USP10: variants seen among roughly 807,000 people sequenced by gnomAD.
USP10 encodes the protein ubiquitin carboxyl-terminal hydrolase 10.
In USP10, 22 loss-of-function variants were observed where a neutral mutation model predicts 84.5. The observed-to-expected ratio is 0.26, with a 90% CI of 0.19 to 0.37. The LOEUF (loss-of-function observed/expected upper bound fraction) is 0.37. Among genes scored for constraint, USP10 ranks in the 10% least tolerant of loss-of-function variants. The pLI, the probability that USP10 is intolerant of heterozygous loss-of-function variation, is 1.00. For missense variants in USP10, 1,019 were observed against 998.9 expected, an observed-to-expected ratio of 1.02 and a Z score of -0.27; for synonymous variants, 454 against 387.6, an observed-to-expected ratio of 1.17 and a Z score of -2.01.
At chr16:84,766,296 C>T (rs1333803618) in intron 10 of USP10, among the ~76,000 whole-genome samples, 1 of 152,274 alleles carries the variant, frequency 6.6e-6, no homozygotes. Context: ...ACTGTGAGCT[C>T]TATTCCACTG....
At chr16:84,705,802 C>T (rs1905418649) in intron 1 of USP10, among the ~76,000 whole-genome samples, 1 of 148,378 alleles carries the variant, frequency 6.7e-6, no homozygotes, top group African/African-American at 2.5e-5. Context: ...TCACTGCAGC[C>T]TCTACCTCCC....
intron 2 of USP10, among the ~76,000 whole-genome samples, chr16:84,734,280 C>G (rs140774368): frequency 3.2e-4 from 48 of 152,120 alleles, no homozygotes; most frequent in African/African-American, 1.2e-3. Flanking sequence ...AAAAATCTTG[C>G]TAACTCTTGG....
intron 1 of USP10, among the ~76,000 whole-genome samples, chr16:84,718,747 C>G (rs371593918): frequency 1.1e-4 from 17 of 151,682 alleles, no homozygotes; most frequent in African/African-American, 3.9e-4. Flanking sequence ...CAGAGCAAGA[C>G]TGTCTGACAA....
At position 84,758,753 on chromosome 16, in the gene USP10, G is replaced by T; in HGVS notation, c.1230G>T (p.Val410=). Residue 410 remains valine (V), a synonymous_variant, in exon 5 of 14, where the codon GTG becomes GTT. Transcript: ENST00000219473. Reference sequence around the variant, plus strand: ...ATGTAACCCTAATCCATAAACCAGTGTCGTTGCAACCCCGTGGGCTGATCA... The same window carrying T: ...ATGTAACCCTAATCCATAAACCAGTTTCGTTGCAACCCCGTGGGCTGATCA... ...LENVTLIHKP[V]SLQPRGLINK... The T allele has an allele frequency of 6.2e-7, 1 of 1,613,922 alleles. No homozygotes were observed. Among genetic ancestry groups the T allele is most frequent in the Non-Finnish European group, 8.5e-7 (1 of 1,179,784 alleles).
chr16:84,700,791 C>CT (rs2150745956), intron 1 of USP10, among the ~76,000 whole-genome samples: 1 of 152,260 alleles, frequency 6.6e-6, no homozygotes, highest in South Asian at 2.1e-4. Flanking sequence ...CCTGCCTGAA[C>CT]AGTAGCTAAA....
intron 1 of USP10, chr16:84,732,414 G>C: frequency 2.5e-6 from 1 of 395,076 alleles, no homozygotes; most frequent in Non-Finnish European, 4.9e-6. Flanking sequence ...TGTGGAAATT[G>C]CTAATTCTTC....
In USP10 at chr16:84,725,478, G is replaced by A. The variant is rs76956526; in HGVS notation, c.22-7957G>A. ...GCAAATGGCACGATTTCCGCTCACT[G>A]CAACCTCTGCCTGCTGGGTTCAAGC... On this transcript the variant is annotated intron_variant, in intron 1 of 13. Transcript: ENST00000219473. 2.3e-3 allele frequency among the ~76,000 whole-genome samples: 357 copies of A among 152,210 alleles called. 3 individuals are homozygous for A. Among genetic ancestry groups the A allele is most frequent in the African/African-American group, 8.3e-3 (343 of 41,534 alleles).
intron 1 of USP10, among the ~76,000 whole-genome samples, chr16:84,711,250 T>C (rs779527442): frequency 3.3e-5 from 5 of 152,158 alleles, no homozygotes; most frequent in Non-Finnish European, 7.3e-5. Flanking sequence ...AAAAAACATG[T>C]TTTTAAAAAT....
intron 9 of USP10, 68 bp from the exon 10 acceptor site, chr16:84,764,018 T>A: frequency 6.7e-7 from 1 of 1,503,226 alleles, no homozygotes; most frequent in Non-Finnish European, 8.9e-7. Context: ...AATCGACAGA[T>A]CTGTGCCTTT....
chr16:84,756,988 ACC>A (rs1008494398), intron 4 of USP10, among the ~76,000 whole-genome samples: 54 of 152,286 alleles, frequency 3.5e-4, no homozygotes, highest in African/African-American at 1.1e-3. Flanking sequence ...AGTCAGGTGG[ACC>A]CAGGTTCACA....
At chr16:84,720,443 C>T (rs939147863) in intron 1 of USP10, among the ~76,000 whole-genome samples, 3 of 151,812 alleles carry the variant, frequency 2.0e-5, no homozygotes, top group African/African-American at 4.8e-5. Flanking sequence ...GTACATGGTC[C>T]GAGAAGCTCG....
intron 1 of USP10, 45 bp from the exon 2 acceptor site, chr16:84,733,390 A>C (rs772796256): frequency 1.4e-6 from 2 of 1,433,014 alleles, no homozygotes; most frequent in South Asian, 1.2e-5. Context: ...AAAGTATATA[A>C]TTTGTATATT....
intron 2 of USP10, among the ~76,000 whole-genome samples, chr16:84,738,854 T>C (rs984558363): frequency 2.0e-5 from 3 of 152,150 alleles, no homozygotes; most frequent in Non-Finnish European, 4.4e-5. Flanking sequence ...AGGAAGCCAA[T>C]CAAGCAGCAG....
intron 13 of USP10, among the ~76,000 whole-genome samples, chr16:84,776,292 C>T (rs1412101804): frequency 3.3e-5 from 5 of 151,972 alleles, no homozygotes; most frequent in South Asian, 2.1e-4. Context: ...GATGGGGGCC[C>T]AGGGGTGAGG....
At chr16:84,734,975 C>G (rs1311488610) in intron 2 of USP10, among the ~76,000 whole-genome samples, 3 of 152,166 alleles carry the variant, frequency 2.0e-5, no homozygotes, top group Non-Finnish European at 2.9e-5. Context: ...GGGCCTATTG[C>G]TTATCTCTGT....
intron 2 of USP10, among the ~76,000 whole-genome samples, chr16:84,739,925 G>A (rs943172397): frequency 4.6e-5 from 7 of 152,216 alleles, no homozygotes; most frequent in African/African-American, 1.7e-4. Context: ...CAGTCAGGAA[G>A]AGTCATCTTC....
At chr16:84,766,509 G>C (rs1011150955) in intron 10 of USP10, among the ~76,000 whole-genome samples, 3 of 152,238 alleles carry the variant, frequency 2.0e-5, no homozygotes, top group Non-Finnish European at 4.4e-5. Context: ...CCTGGTTTAG[G>C]ATTGTGAGGA....
chr16:84,724,434 G>A (rs1259921859), intron 1 of USP10, among the ~76,000 whole-genome samples: 3 of 152,150 alleles, frequency 2.0e-5, no homozygotes, highest in Non-Finnish European at 2.9e-5. Flanking sequence ...AGTAGAAATA[G>A]AATATACAAA....
At chr16:84,712,348 G>A (rs1409620618) in intron 1 of USP10, among the ~76,000 whole-genome samples, 6 of 152,176 alleles carry the variant, frequency 3.9e-5, no homozygotes, top group Non-Finnish European at 8.8e-5. Flanking sequence ...TGGATGAGCC[G>A]GAAGCAGCCG....
Sources: allele counts gnomAD v4.1 joint callset (sites outside exome capture counted in the v4.1 genomes callset), GRCh38; gene constraint gnomAD v4.1.1; transcripts MANE v1.5; gene names NCBI Gene and HGNC (gene_info 2026-07-23, HGNC 2026-07-21).